TMCO5A: variants seen among roughly 807,000 people sequenced by gnomAD.
TMCO5A encodes the protein transmembrane and coiled-coil domains 5A, also known as transmembrane and coiled-coil domain-containing protein 5A.
Under a neutral mutation model 42.3 loss-of-function variants are expected in TMCO5A, and 34 were observed. The observed-to-expected ratio is 0.80, with a 90% CI of 0.61 to 1.07. The LOEUF is 1.07. TMCO5A is among the 50% of genes least tolerant of loss of function. The pLI is 0.00. For missense variants in TMCO5A, 357 were observed against 327.9 expected (o/e 1.09, Z -0.69); for synonymous variants, 131 against 115.6 (o/e 1.13, Z -0.86).
the TMCO5A span, chr15:38,025,095 G>A: frequency 6.6e-6 from 1 of 152,512 alleles, no homozygotes; most frequent in Admixed American, 6.5e-5. Context: ...CCTGGCAAGG[G>A]TGTAAATTTA....
intron 10 of TMCO5A, chr15:37,943,791 C>T (rs1889840621): frequency 5.8e-6 from 1 of 170,948 alleles, no homozygotes; most frequent in South Asian, 1.5e-4. Flanking sequence ...TAATCTCTCA[C>T]AACACAGAGC....
chr15:38,012,999 A>G, the TMCO5A span, among the ~76,000 whole-genome samples: 1 of 152,134 alleles, frequency 6.6e-6, no homozygotes, highest in Non-Finnish European at 1.5e-5. Context: ...CAATAAAGGG[A>G]CTGTGGCTTC....
At position 37,938,187 on chromosome 15, in the gene TMCO5A, T is replaced by C. The variant is rs776832045; in HGVS notation, c.345T>C (p.Asn115=). Residue 115 remains asparagine (N), a synonymous_variant, in exon 6 of 12, where the codon AAT becomes AAC. Coordinates refer to ENST00000319669, the MANE Select transcript of TMCO5A (RefSeq NM_152453.4). ...CAAGGAAATCACAAAAGATAACCAA[T>C]TGTGAACAAAGCAGTCCAGATGGAG... ...KLTRKSQKIT[N]CEQSSPDGAL... is the part of the protein sequence containing the mutation. 7.6e-6 allele frequency: 12 copies of C among 1,582,628 alleles called. No homozygotes were observed. Among genetic ancestry groups the C allele is most frequent in the African/African-American group, 4.1e-5 (3 of 73,420 alleles).
At chr15:37,949,361 T>A (rs1184862543) in intron 11 of TMCO5A, among the ~76,000 whole-genome samples, 4 of 152,084 alleles carry the variant, frequency 2.6e-5, no homozygotes, top group Non-Finnish European at 5.9e-5. Context: ...TAAAATATAC[T>A]CTATATGGAA....
At chr15:37,993,121 C>T in the TMCO5A span, among the ~76,000 whole-genome samples, 2 of 151,966 alleles carry the variant, frequency 1.3e-5, no homozygotes, top group Non-Finnish European at 2.9e-5. Context: ...TCTGTTCATA[C>T]ATTGTTGTGT....
At chr15:37,945,181 C>T (rs1806118210) in intron 10 of TMCO5A, among the ~76,000 whole-genome samples, 1 of 152,092 alleles carries the variant, frequency 6.6e-6, no homozygotes, top group African/African-American at 2.4e-5. Context: ...CCAATACCAC[C>T]CATGTCCCTG....
At chr15:37,986,479 A>G in the TMCO5A span, among the ~76,000 whole-genome samples, 3 of 151,304 alleles carry the variant, frequency 2.0e-5, no homozygotes, top group African/African-American at 4.9e-5. Context: ...TTTCATCTTA[A>G]TAATTTTTAA....
chr15:37,943,638 C>T (rs1889835274), intron 10 of TMCO5A: 1 of 472,148 alleles, frequency 2.1e-6, no homozygotes, highest in Non-Finnish European at 3.8e-6. Flanking sequence ...TAGCCGAAGA[C>T]CTAAGAGAAC....
At chr15:37,953,891 C>T (rs1053504434), downstream of TMCO5A, among the ~76,000 whole-genome samples, 1 of 151,844 alleles carries the variant, frequency 6.6e-6, no homozygotes, top group Non-Finnish European at 1.5e-5. Context: ...CAAGCAGAAA[C>T]TCTGGAGTTA....
At chr15:38,029,556 C>T in the TMCO5A span, among the ~76,000 whole-genome samples, 16 of 152,212 alleles carry the variant, frequency 1.1e-4, no homozygotes, top group African/African-American at 3.9e-4. Flanking sequence ...AACCTCTGGG[C>T]TCAAGCAATT....
At chr15:37,943,521 C>G in intron 10 of TMCO5A, 123 bp downstream of exon 10, 1 of 857,020 alleles carries the variant, frequency 1.2e-6, no homozygotes, top group Non-Finnish European at 1.8e-6. Context: ...AAGAACAGTA[C>G]CAGCTATAAT....
At chr15:37,946,852 C>T (rs1156624289) in intron 10 of TMCO5A, among the ~76,000 whole-genome samples, 1 of 152,076 alleles carries the variant, frequency 6.6e-6, no homozygotes, top group Non-Finnish European at 1.5e-5. Context: ...ATTTCTTTCT[C>T]TTTACTGATT....
Position 37,938,166 on chromosome 15 carries a change from G to C in TMCO5A, c.324G>C (p.Arg108Ser). The C allele has an allele frequency of 6.3e-7, 1 of 1,576,708 alleles. No homozygotes were observed. The highest frequency in any genetic ancestry group is 1.4e-5 in the African/African-American group (1 of 73,326). ...SITELQQKLT[R>S]KSQKITNCEQ... The stretch of plus-strand genomic sequence containing the variant: ...TTTATTTGAAACTATAGCTTACAAG[G>C]AAATCACAAAAGATAACCAATTGTG... The change falls in exon 6 of 12, where the codon AGG (arginine) becomes AGC (serine). Residue 108 changes from arginine (R) to serine (S), a missense_variant. Transcript: ENST00000319669.
At chr15:37,944,994 C>T (rs116242212) in intron 10 of TMCO5A, among the ~76,000 whole-genome samples, 2,492 of 151,944 alleles carry the variant, frequency 0.016, 78 homozygotes, top group African/African-American at 0.057. Context: ...CCAGCATCTA[C>T]TAGCTATTCT....
the TMCO5A span, among the ~76,000 whole-genome samples, chr15:38,002,140 G>A: frequency 4.6e-5 from 7 of 151,884 alleles, no homozygotes; most frequent in Non-Finnish European, 1.0e-4. Flanking sequence ...TGTTTGTCTG[G>A]GAAAGTCTTT....
intron 5 of TMCO5A, among the ~76,000 whole-genome samples, chr15:37,937,956 T>G (rs1889583787): frequency 6.6e-6 from 1 of 151,868 alleles, no homozygotes; most frequent in South Asian, 2.1e-4. Flanking sequence ...CTGCTTTGAG[T>G]GGACTCTAGC....
chr15:38,017,550 G>A, the TMCO5A span, among the ~76,000 whole-genome samples: 4 of 152,090 alleles, frequency 2.6e-5, no homozygotes, highest in African/African-American at 9.7e-5. Flanking sequence ...AGCACTCAGT[G>A]GTACAGGAAA....
At chr15:37,959,479 A>G (rs1890368840) in intron 11 of TMCO5A, among the ~76,000 whole-genome samples, 1 of 152,048 alleles carries the variant, frequency 6.6e-6, no homozygotes, top group African/African-American at 2.4e-5. Flanking sequence ...ACCAAATTCA[A>G]CAATACATTA....
chr15:37,951,241 A>C lies in TMCO5A; in HGVS notation c.*7A>C, dbSNP rs779047107. Reference sequence around the variant, plus strand: ...GGACATGTTACCCCACTGATTCCCTAAGAAATATCCTTGAGCAATAGAAGG... The same window carrying C: ...GGACATGTTACCCCACTGATTCCCTCAGAAATATCCTTGAGCAATAGAAGG... On this transcript the variant is annotated 3_prime_UTR_variant, in exon 12 of 12. Coordinates refer to ENST00000319669, the MANE Select transcript of TMCO5A (RefSeq NM_152453.4). 4.3e-6 allele frequency: 7 copies of C among 1,613,010 alleles called. No homozygotes were observed. In the African/African-American group the frequency reaches 5.3e-5, roughly 12 times the overall value.
Sources: allele counts gnomAD v4.1 joint callset (sites outside exome capture counted in the v4.1 genomes callset), GRCh38; gene constraint gnomAD v4.1.1; transcripts MANE v1.5; gene names NCBI Gene and HGNC (gene_info 2026-07-23, HGNC 2026-07-21).